The following IL1RAPL2 variants were observed in gnomAD, a reference collection of about 807,000 sequenced individuals.
IL1RAPL2 encodes interleukin 1 receptor accessory protein like 2, also known as X-linked interleukin-1 receptor accessory protein-like 2.
IL1RAPL2 carries 3 observed loss-of-function variants against 44.1 expected under a neutral mutation model. That is an observed-to-expected ratio of 0.07 (90% CI 0.03 to 0.18). The LOEUF is 0.18. Among genes scored for constraint, IL1RAPL2 ranks in the 10% least tolerant of loss-of-function variants. The probability of loss-of-function intolerance (pLI) is 1.00; values close to 1 mark genes in which losing one functional copy is unlikely to be tolerated. For missense variants in IL1RAPL2, 391 were observed against 496.4 expected, an observed-to-expected ratio of 0.79 and a Z score of 2.02; for synonymous variants, 181 against 178.8, an observed-to-expected ratio of 1.01 and a Z score of -0.10.
At chrX:105,580,342 A>T (rs767681888) in intron 6 of IL1RAPL2, among the ~76,000 whole-genome samples, 1 of 104,709 alleles carries the variant, frequency 9.6e-6, no homozygotes, top group Non-Finnish European at 1.9e-5. Flanking sequence ...CTGAAAACTG[A>T]TGTTAAGTGA....
At chrX:105,044,061 A>C (rs5916855) in intron 2 of IL1RAPL2, among the ~76,000 whole-genome samples, 1 of 110,249 alleles carries the variant, frequency 9.1e-6, no homozygotes, top group Non-Finnish European at 1.9e-5. Flanking sequence ...TGTAATGCTC[A>C]GGCCACTAAA....
intron 10 of IL1RAPL2, among the ~76,000 whole-genome samples, chrX:105,761,537 C>T (rs2038688341): frequency 9.0e-6 from 1 of 111,387 alleles, no homozygotes; most frequent in Non-Finnish European, 1.9e-5. Context: ...ATATATTTTT[C>T]TTTGATATAT....
intron 4 of IL1RAPL2, among the ~76,000 whole-genome samples, chrX:105,242,750 G>GAGC (rs2034182237): frequency 9.0e-6 from 1 of 111,692 alleles, no homozygotes; most frequent in Non-Finnish European, 1.9e-5. Flanking sequence ...TCTCATGAAA[G>GAGC]TTCCATCAAG....
In IL1RAPL2 at chrX:105,022,103, T is replaced by A. The variant is rs747399006; in HGVS notation, c.83-173372T>A. 4.5e-5 allele frequency among the ~76,000 whole-genome samples: 5 copies of A among 111,097 alleles called. No homozygotes were observed. In the South Asian group the frequency reaches 1.5e-3, roughly 33 times the overall value. On this transcript the variant is annotated intron_variant, in intron 2 of 10. Transcript: ENST00000372582. ...TCCCATGAGAAAAATTTTAAAAATA[T>A]AAAGAAAATATAGAATTAGATGCAG... is the stretch of plus-strand genomic sequence containing the variant.
chrX:105,093,751 C>T (rs184368980), intron 2 of IL1RAPL2, among the ~76,000 whole-genome samples: 117 of 111,737 alleles, frequency 1.0e-3, no homozygotes, highest in Non-Finnish European at 1.9e-3. Context: ...CAGTGGCTAG[C>T]AGTAGAAACA....
chrX:105,614,805 A>C (rs761839027), intron 6 of IL1RAPL2, among the ~76,000 whole-genome samples: 10 of 111,966 alleles, frequency 8.9e-5, no homozygotes, highest in African/African-American at 2.6e-4. Flanking sequence ...AAACACAGGC[A>C]ACTAAAGCAA....
intron 2 of IL1RAPL2, among the ~76,000 whole-genome samples, chrX:105,180,506 G>A (rs1556130236): frequency 2.7e-5 from 3 of 111,878 alleles, no homozygotes; most frequent in African/African-American, 9.8e-5. Flanking sequence ...TTTGAGATGT[G>A]TTCCTTCTTT....
At chrX:105,534,785 G>C (rs1250400294) in intron 6 of IL1RAPL2, among the ~76,000 whole-genome samples, 2 of 112,105 alleles carry the variant, frequency 1.8e-5, no homozygotes, top group African/African-American at 6.5e-5. Flanking sequence ...CCTTGGGACA[G>C]TTGGACATCC....
At chrX:105,698,145 T>C in intron 6 of IL1RAPL2, among the ~76,000 whole-genome samples, 1 of 111,402 alleles carries the variant, frequency 9.0e-6, no homozygotes, top group Middle Eastern at 4.7e-3. Flanking sequence ...TCTTTTACAT[T>C]ACACAATCAT....
chrX:105,596,025 G>A (rs2037207241), intron 6 of IL1RAPL2, among the ~76,000 whole-genome samples: 1 of 110,234 alleles, frequency 9.1e-6, no homozygotes, highest in Non-Finnish European at 1.9e-5. Context: ...ATTTATTTGA[G>A]TCTTCTCTTT....
intron 2 of IL1RAPL2, among the ~76,000 whole-genome samples, chrX:104,945,248 ATAAAGTT>A (rs1240356197): frequency 9.0e-6 from 1 of 111,010 alleles, no homozygotes; most frequent in East Asian, 2.8e-4. Context: ...AAATGACAAA[ATAAAGTT>A]TAAAGAAAAA....
At chrX:104,567,934 C>T (rs1362692693) in intron 1 of IL1RAPL2, among the ~76,000 whole-genome samples, 1 of 112,503 alleles carries the variant, frequency 8.9e-6, no homozygotes, top group Non-Finnish European at 1.9e-5. Context: ...CTGGTCCCTG[C>T]AGCCATCCCC....
intron 5 of IL1RAPL2, among the ~76,000 whole-genome samples, chrX:105,294,053 A>G (rs2073332572): frequency 8.9e-6 from 1 of 112,405 alleles, no homozygotes; most frequent in African/African-American, 3.2e-5. Flanking sequence ...TTTGTGAAAA[A>G]CAATGAGGAA....
chrX:105,077,731 C>T (rs772356822), intron 2 of IL1RAPL2, among the ~76,000 whole-genome samples: 83 of 111,484 alleles, frequency 7.4e-4, no homozygotes, highest in African/African-American at 2.4e-3. Context: ...TTCTTGGAGG[C>T]GTTGTTCATT....
intron 2 of IL1RAPL2, among the ~76,000 whole-genome samples, chrX:104,897,419 G>T (rs115281930): frequency 0.019 from 2,090 of 111,996 alleles, 50 homozygotes; most frequent in African/African-American, 0.064. Context: ...ATTGTTCCCA[G>T]AGACAGAAAG....
chrX:105,555,195 C>T (rs1479625532), intron 6 of IL1RAPL2, among the ~76,000 whole-genome samples: 2 of 107,847 alleles, frequency 1.9e-5, no homozygotes, highest in Non-Finnish European at 3.8e-5. Flanking sequence ...TGAGTAACTT[C>T]GTTTTCTCCA....
intron 2 of IL1RAPL2, among the ~76,000 whole-genome samples, chrX:104,958,890 C>G (rs2029951588): frequency 9.1e-6 from 1 of 109,755 alleles, no homozygotes; most frequent in African/African-American, 3.3e-5. Context: ...CATACTGACA[C>G]CAATAGTGTT....
At chrX:105,469,385 A>T (rs1018091039) in intron 5 of IL1RAPL2, among the ~76,000 whole-genome samples, 1 of 110,838 alleles carries the variant, frequency 9.0e-6, no homozygotes, top group African/African-American at 3.3e-5. Context: ...TAGAAGGTGT[A>T]TTGGGTTTAT....
chrX:105,765,318 T>C (rs181599115), intron 10 of IL1RAPL2: 2 of 112,254 alleles, frequency 1.8e-5, no homozygotes, highest in East Asian at 5.6e-4. Context: ...ACTTCCTACC[T>C]TTCCTTCCCT....
Sources: allele counts gnomAD v4.1 joint callset (sites outside exome capture counted in the v4.1 genomes callset), GRCh38; gene constraint gnomAD v4.1.1; transcripts MANE v1.5; gene names NCBI Gene and HGNC (gene_info 2026-07-23, HGNC 2026-07-21).